XRCC4: variants seen among roughly 807,000 people sequenced by gnomAD.
XRCC4 encodes the protein DNA repair protein XRCC4.
XRCC4 carries 28 observed loss-of-function variants against 39.1 expected under a neutral mutation model. That is an observed-to-expected ratio of 0.72 (90% confidence interval 0.53 to 0.98). The LOEUF (loss-of-function observed/expected upper bound fraction) is 0.98. Among genes scored for constraint, XRCC4 ranks in the 50% least tolerant of loss-of-function variants. XRCC4 has a pLI of 0.00. For synonymous variants in XRCC4, 123 were observed against 126.4 expected (o/e 0.97, Z 0.18); for missense variants, 350 against 376.4 (o/e 0.93, Z 0.58).
intron 7 of XRCC4, among the ~76,000 whole-genome samples, chr5:83,278,073 G>A (rs189265667): frequency 1.3e-5 from 2 of 152,214 alleles, no homozygotes; most frequent in African/African-American, 4.8e-5. Flanking sequence ...TCATCAATTT[G>A]CCAGTCAGAC....
chr5:83,103,841 A>C (rs1746070064), intron 1 of XRCC4, among the ~76,000 whole-genome samples: 1 of 152,186 alleles, frequency 6.6e-6, no homozygotes, highest in Non-Finnish European at 1.5e-5. Context: ...AAAGTAGAGA[A>C]ATATTCAAAG....
chr5:83,239,913 T>A (rs1244019369), intron 6 of XRCC4, among the ~76,000 whole-genome samples: 1 of 151,886 alleles, frequency 6.6e-6, no homozygotes, highest in Non-Finnish European at 1.5e-5. Context: ...ATCCCAGCAC[T>A]TTGGGAGGCT....
chr5:83,337,534 T>C (rs1561481907), intron 7 of XRCC4, among the ~76,000 whole-genome samples: 1 of 152,134 alleles, frequency 6.6e-6, no homozygotes, highest in Non-Finnish European at 1.5e-5. Context: ...TGGGCAGCCC[T>C]AGTCTTTGAG....
intron 6 of XRCC4, among the ~76,000 whole-genome samples, chr5:83,251,523 CAAAAAAAAAA>C (rs60359773): frequency 1.4e-5 from 1 of 69,874 alleles, no homozygotes; most frequent in Non-Finnish European, 3.5e-5. Context: ...GACTCCGTCT[CAAAAAAAAAA>C]AAAAAAAAAA....
At chr5:83,356,797 T>A (rs976066259), downstream of XRCC4, 20 of 448,682 alleles carry the variant, frequency 4.5e-5, no homozygotes, top group Middle Eastern at 1.6e-3. Context: ...AGCATGGCTT[T>A]TTTGACCTTA....
chr5:83,229,416 G>T (rs1032088263), intron 6 of XRCC4, among the ~76,000 whole-genome samples: 1 of 151,732 alleles, frequency 6.6e-6, no homozygotes, highest in African/African-American at 2.4e-5. Context: ...GCCAGTAACA[G>T]TGACAGTGGT....
At chr5:83,103,985 C>T (rs1421453843) in intron 1 of XRCC4, among the ~76,000 whole-genome samples, 1 of 152,124 alleles carries the variant, frequency 6.6e-6, no homozygotes, top group African/African-American at 2.4e-5. Context: ...TGGATTTGTT[C>T]AACTGTAAAA....
intron 7 of XRCC4, among the ~76,000 whole-genome samples, chr5:83,304,889 G>A (rs1438453818): frequency 6.6e-6 from 1 of 152,034 alleles, no homozygotes; most frequent in Non-Finnish European, 1.5e-5. Flanking sequence ...TTGAATTTCT[G>A]AGTTACAAAA....
At chr5:83,167,666 TGAATG>T (rs918102738) in intron 3 of XRCC4, among the ~76,000 whole-genome samples, 1 of 152,154 alleles carries the variant, frequency 6.6e-6, no homozygotes, top group Non-Finnish European at 1.5e-5. Context: ...TGCACATGTT[TGAATG>T]GAGTCAGAAT....
intron 3 of XRCC4, among the ~76,000 whole-genome samples, chr5:83,172,334 C>T (rs1340442198): frequency 2.0e-5 from 3 of 152,148 alleles, no homozygotes; most frequent in African/African-American, 7.2e-5. Flanking sequence ...AGCCTTCTAA[C>T]CATTGCTTGT....
intron 7 of XRCC4, among the ~76,000 whole-genome samples, chr5:83,350,066 A>T (rs1757035038): frequency 6.6e-6 from 1 of 152,162 alleles, no homozygotes; most frequent in Admixed American, 6.5e-5. Context: ...CTCCAGCTGC[A>T]TCCATGTTGC....
chr5:83,108,854 C>CTT (rs370868182), intron 2 of XRCC4, among the ~76,000 whole-genome samples: 2,369 of 143,302 alleles, frequency 0.017, 71 homozygotes, highest in African/African-American at 0.054. Context: ...TTATCTTCTT[C>CTT]TTTTTTTTTT....
chr5:83,181,347 A>G (rs1040805969), intron 3 of XRCC4, among the ~76,000 whole-genome samples: 3 of 152,054 alleles, frequency 2.0e-5, no homozygotes, highest in African/African-American at 4.8e-5. Flanking sequence ...TTCTTGAAAA[A>G]CATTCTAGAG....
intron 3 of XRCC4, among the ~76,000 whole-genome samples, chr5:83,145,834 A>G (rs1469739705): frequency 6.1e-5 from 9 of 147,108 alleles, no homozygotes; most frequent in Admixed American, 1.4e-4. Flanking sequence ...ATCTGCTTTC[A>G]TTCACTTTCC....
At chr5:83,358,482 C>A (rs1304615841), downstream of XRCC4, among the ~76,000 whole-genome samples, 5 of 152,130 alleles carry the variant, frequency 3.3e-5, no homozygotes, top group Non-Finnish European at 7.4e-5. Flanking sequence ...TTAAAACTCT[C>A]ATTTCACAAT....
chr5:83,345,719 TACCATTTTAA>T (rs1413615356), intron 7 of XRCC4, among the ~76,000 whole-genome samples: 1 of 152,192 alleles, frequency 6.6e-6, no homozygotes, highest in African/African-American at 2.4e-5. Context: ...GCCGTAGTGA[TACCATTTTAA>T]ACTTGGCTGA....
chr5:83,359,724 A>G, the XRCC4 span, among the ~76,000 whole-genome samples: 5 of 152,216 alleles, frequency 3.3e-5, no homozygotes, highest in African/African-American at 1.2e-4. Context: ...ATTAATTTCC[A>G]TTAGCTTCAA....
At chr5:83,267,825 G>T (rs1754010374) in intron 7 of XRCC4, among the ~76,000 whole-genome samples, 1 of 152,190 alleles carries the variant, frequency 6.6e-6, no homozygotes, top group Non-Finnish European at 1.5e-5. Context: ...CAGGGGAACA[G>T]ATTGTATAAA....
chr5:83,268,670 G>C (rs764235677), intron 7 of XRCC4, among the ~76,000 whole-genome samples: 1 of 152,036 alleles, frequency 6.6e-6, no homozygotes, highest in Non-Finnish European at 1.5e-5. Flanking sequence ...GAAGGCATGG[G>C]GTTTCTCTTA....
Sources: gnomAD v4.1 joint callset for allele counts (sites outside exome capture counted in the v4.1 genomes callset) on GRCh38, gnomAD v4.1.1 for gene constraint, MANE v1.5 for transcripts, NCBI Gene and HGNC (gene_info 2026-07-23, HGNC 2026-07-21) for gene names.